The following LYST variants were observed in gnomAD, a reference collection of about 807,000 sequenced individuals.
LYST encodes lysosomal trafficking regulator, also known as lysosomal-trafficking regulator.
A neutral mutation model predicts 413.6 loss-of-function variants in LYST; 192 were observed. The ratio of observed to expected loss-of-function variants is 0.46; its 90% confidence interval spans 0.41 to 0.52. The LOEUF (loss-of-function observed/expected upper bound fraction) is 0.52. Ranked by LOEUF, LYST falls within the 20% of genes least tolerant of loss-of-function variation. The pLI, the probability that LYST is intolerant of heterozygous loss-of-function variation, is 0.00. For missense variants in LYST, 3,815 were observed against 4,499.9 expected (o/e 0.85, Z 4.35); for synonymous variants, 1,525 against 1,567.3 (o/e 0.97, Z 0.64).
intron 31 of LYST, chr1:235,738,075 G>A: frequency 6.2e-7 from 1 of 1,601,188 alleles, no homozygotes; most frequent in Non-Finnish European, 8.5e-7. Flanking sequence ...GATTACAGTT[G>A]TTGGGGTTGG....
chr1:235,664,392 T>C lies in LYST; in HGVS notation c.11195+73A>G. 6.4e-6 allele frequency: 9 copies of C among 1,414,320 alleles called. No individual in the cohort carries two copies. Among genetic ancestry groups the C allele is most frequent in the Non-Finnish European group, 9.0e-6 (9 of 1,003,978 alleles). The allele number at this position is 1,414,320 out of a possible 1,614,324, so 87.6% of individuals were successfully genotyped here. The stretch of plus-strand genomic sequence containing the variant: ...TACTGAATATTAATATGCCTAGATA[T>C]TAAAAATTAATTTCTGAAACTCCTG... On this transcript the variant is annotated intron_variant, in intron 51 of 52. Transcript: ENST00000389793. The surrounding 1 kb of genome is among the most constrained non-coding windows in gnomAD (Gnocchi z 4.5).
intron 11 of LYST, 33 bp downstream of exon 11, chr1:235,793,470 C>T (rs746713698): frequency 1.0e-6 from 1 of 955,658 alleles, no homozygotes; most frequent in Non-Finnish European, 1.7e-6. Flanking sequence ...AAGAATTTAT[C>T]AGTGAAAAAT....
chr1:235,791,183 G>A (rs1241534257), intron 12 of LYST, among the ~76,000 whole-genome samples: 1 of 152,144 alleles, frequency 6.6e-6, no homozygotes, highest in Admixed American at 6.6e-5. Context: ...TCGGGAGGCT[G>A]AGGCAGGAGA....
chr1:235,799,898 G>A (rs1672008570), intron 10 of LYST, among the ~76,000 whole-genome samples: 1 of 115,360 alleles, frequency 8.7e-6, no homozygotes, highest in South Asian at 3.2e-4. Flanking sequence ...ACACTTTTTT[G>A]AAATCACAGA....
chr1:235,830,298 T>C lies in LYST; in HGVS notation c.120A>G (p.Ala40=). ...CATGGACAAGGTACTGTCCAAGGGT[T>C]GCCATGTGCGTCTCCTCCTCTTCTT... ...REEEEEETHM[A]TLGQYLVHGR... Residue 40 remains alanine (A), a synonymous_variant, in exon 3 of 53, where the codon GCA becomes GCG. Coordinates refer to ENST00000389793, the MANE Select transcript of LYST (RefSeq NM_000081.4). 6.2e-7 allele frequency: 1 copy of C among 1,614,076 alleles called. No individual in the cohort carries two copies. The highest frequency in any genetic ancestry group is 1.7e-5 in the Admixed American group (1 of 60,010).
intron 44 of LYST, among the ~76,000 whole-genome samples, chr1:235,706,187 G>T (rs1457622386): frequency 6.6e-6 from 1 of 152,134 alleles, no homozygotes; most frequent in Non-Finnish European, 1.5e-5. Context: ...TGGAGTTTAG[G>T]ACACACAACC....
Position 235,854,357 on chromosome 1 carries a change from T to C in LYST, c.-98+12486A>G, listed in dbSNP as rs906514494. Reference sequence around the variant, plus strand: ...CAGGATTCAGACTCATGCAATCCCTTTGTATTCTATATACAAATTTCTATT... The same window carrying C: ...CAGGATTCAGACTCATGCAATCCCTCTGTATTCTATATACAAATTTCTATT... On this transcript the variant is annotated intron_variant, in intron 1 of 52. Transcript: ENST00000389793. This position sits in a 1 kb window ranked among gnomAD's most constrained non-coding sequence, Gnocchi z 4.1. 2.6e-5 allele frequency among the ~76,000 whole-genome samples: 4 copies of C among 152,212 alleles called. No homozygotes were observed. The highest frequency in any genetic ancestry group is 5.9e-5 in the Non-Finnish European group (4 of 68,032).
chr1:235,830,508 T>C (rs1006917543), intron 2 of LYST, 84 bp from the exon 3 acceptor site: 8 of 1,109,010 alleles, frequency 7.2e-6, no homozygotes, highest in Non-Finnish European at 9.2e-6. Context: ...TGTTGTTTGT[T>C]TCTAACTGAA....
At position 235,877,352 on chromosome 1, in the gene LYST, T is replaced by C. The variant is rs75763844; in HGVS notation, n.454+5835A>G. Among the ~76,000 whole-genome samples, 398 of 152,308 alleles carry C rather than the reference T, an allele frequency of 2.6e-3. 1 individual carries two copies. Among genetic ancestry groups the C allele is most frequent in the Non-Finnish European group, 4.7e-3 (318 of 68,030 alleles). ...TGTGCTGACATCAGAGGAGGAAATA[T>C]AGGAATCATGGGAACACAGAATTCA... On this transcript the variant is annotated intron_variant and non_coding_transcript_variant, in intron 1 of 11. Transcript: ENST00000465349.
chr1:235,669,190 G>C (rs755177244), intron 50 of LYST, among the ~76,000 whole-genome samples: 1 of 152,180 alleles, frequency 6.6e-6, no homozygotes, highest in African/African-American at 2.4e-5. Context: ...CATAGCTTCA[G>C]TCTAGAGGCT....
intron 12 of LYST, among the ~76,000 whole-genome samples, chr1:235,791,231 G>A (rs1476927272): frequency 1.7e-4 from 26 of 152,004 alleles, no homozygotes; most frequent in Admixed American, 1.6e-3. Context: ...GCAGTGAGCC[G>A]AGATCGCGCC....
At position 235,702,962 on chromosome 1, in the gene LYST, C is replaced by T; in HGVS notation, c.10159G>A (p.Asp3387Asn). The T allele has an allele frequency of 6.2e-7, 1 of 1,612,466 alleles. No homozygotes were observed. The highest frequency in any genetic ancestry group is 1.7e-5 in the Admixed American group (1 of 60,010). Residue 3387 changes from aspartate (D) to asparagine (N), a missense_variant, in exon 45 of 53, where the codon GAT (aspartate) becomes AAT (asparagine). By Grantham distance (23) the Asp-to-Asn change is conservative. Around this residue, in one of 4 missense-constraint regions of LYST, gnomAD observed 866 missense variants for 1,156.0 expected, o/e 0.75. Transcript: ENST00000389793. ...VFHPATYFGM[D>N]VSAVEDPVQR... is the part of the protein sequence containing the mutation. The stretch of plus-strand genomic sequence containing the variant: ...ACTGGATCTTCAACTGCAGAGACAT[C>T]CATTCCAAAATATGTCTGCAGAGTG...
intron 29 of LYST, among the ~76,000 whole-genome samples, chr1:235,744,780 G>A (rs1351885421): frequency 6.6e-6 from 1 of 151,494 alleles, no homozygotes; most frequent in Non-Finnish European, 1.5e-5. Flanking sequence ...CACACCTGTA[G>A]TCACAGCTAC....
chr1:235,707,784 T>C (rs749383468), intron 44 of LYST, among the ~76,000 whole-genome samples: 4 of 152,170 alleles, frequency 2.6e-5, no homozygotes, highest in Non-Finnish European at 4.4e-5. Context: ...GCTAAATAAA[T>C]TATTCTATAG....
intron 13 of LYST, 131 bp downstream of exon 13, chr1:235,788,570 T>C (rs1434106140): frequency 1.8e-5 from 14 of 789,304 alleles, no homozygotes; most frequent in Non-Finnish European, 2.6e-5. Context: ...GCTGTTAGAA[T>C]GTATATATTT....
intron 50 of LYST, among the ~76,000 whole-genome samples, chr1:235,673,165 C>T (rs1411532275): frequency 2.0e-5 from 3 of 152,138 alleles, no homozygotes; most frequent in Non-Finnish European, 4.4e-5. Flanking sequence ...ACCACTGTCC[C>T]AGGGCCAACT....
Position 235,677,573 on chromosome 1 carries a change from G to T in LYST, c.10847C>A (p.Thr3616Lys), listed in dbSNP as rs764991912. 7.4e-6 allele frequency: 12 copies of T among 1,612,164 alleles called. No homozygotes were observed. The African/African-American group carries it at 1.3e-4, about 18-fold the overall frequency. Reference protein sequence around the residue: ...METQIHLYGHTEEITSLFVCK... With the variant: ...METQIHLYGHKEEITSLFVCK... Reference sequence around the variant, plus strand: ...AACAAATAAGCTGGTTATCTCTTCTGTGTGACCATAGAGATGTATTTGAGT... The same window carrying T: ...AACAAATAAGCTGGTTATCTCTTCTTTGTGACCATAGAGATGTATTTGAGT... Residue 3616 changes from threonine (T) to lysine (K), a missense_variant, in exon 49 of 53, where the codon ACA (threonine) becomes AAA (lysine). Thr to Lys is a moderately conservative substitution (Grantham distance 78). This residue lies in a region of LYST where 866 missense variants were observed against 1,156.0 expected (regional missense o/e 0.75). Coordinates refer to ENST00000389793, the MANE Select transcript of LYST (RefSeq NM_000081.4).
chr1:235,858,964 G>A (rs1679538598), intron 1 of LYST, among the ~76,000 whole-genome samples: 3 of 152,302 alleles, frequency 2.0e-5, no homozygotes, highest in Admixed American at 2.0e-4. Flanking sequence ...TATTCATCAT[G>A]ATTCAGCAAA....
intron 19 of LYST, among the ~76,000 whole-genome samples, chr1:235,772,544 A>G (rs1299310575): frequency 6.6e-6 from 1 of 152,208 alleles, no homozygotes; most frequent in East Asian, 1.9e-4. Flanking sequence ...CAGAAAGGAA[A>G]CAACCCTATA....
Sources: allele counts gnomAD v4.1 joint callset (sites outside exome capture counted in the v4.1 genomes callset), GRCh38; gene constraint gnomAD v4.1.1; regional missense constraint gnomAD v4.1.1; non-coding constraint Gnocchi (gnomAD v3.1); transcripts MANE v1.5; gene names NCBI Gene and HGNC (gene_info 2026-07-23, HGNC 2026-07-21).